ATR: variants seen among roughly 807,000 people sequenced by gnomAD.
ATR encodes the protein serine/threonine-protein kinase ATR.
In ATR, 142 loss-of-function variants were observed where a neutral mutation model predicts 305.3. That is an observed-to-expected ratio of 0.47 (90% CI 0.41 to 0.53). The LOEUF is 0.53. ATR is among the 20% of genes least tolerant of loss of function. The pLI, the probability that ATR is intolerant of heterozygous loss-of-function variation, is 0.00. For missense variants in ATR, 2,135 were observed against 3,133.1 expected (o/e 0.68, Z 7.60); for synonymous variants, 1,050 against 1,068.1 (o/e 0.98, Z 0.33).
At chr3:142,531,963 T>C (rs1020319961) in intron 21 of ATR, among the ~76,000 whole-genome samples, 1 of 152,236 alleles carries the variant, frequency 6.6e-6, no homozygotes, top group Non-Finnish European at 1.5e-5. Context: ...TGGTGTGAGA[T>C]GGTATCTCAT....
Position 142,466,636 on chromosome 3 carries a change from G to C in ATR, c.6688-103C>G, listed in dbSNP as rs1474436757. On this transcript the variant is annotated intron_variant, in intron 39 of 46. Transcript: ENST00000350721. ...TTTGATTACAAAGGTTCAGCAGTCT[G>C]TGGTTTTCTAAGTATTTCCTAATCA... 6.2e-6 allele frequency: 7 copies of C among 1,123,616 alleles called. No individual in the cohort carries two copies. In the East Asian group the frequency reaches 1.5e-4, roughly 25 times the overall value. The allele number at this position is 1,123,616 out of a possible 1,614,324, so 69.6% of individuals were successfully genotyped here. A position where few individuals can be genotyped will look rare whatever the true frequency, so the allele number is the denominator to read the frequency against.
At chr3:142,509,730 G>T (rs2032449637) in intron 27 of ATR, among the ~76,000 whole-genome samples, 1 of 151,082 alleles carries the variant, frequency 6.6e-6, no homozygotes, top group African/African-American at 2.4e-5. Flanking sequence ...GCTAATTTTT[G>T]TATTTTTTGT....
At chr3:142,502,367 A>G (rs925548908) in intron 30 of ATR, among the ~76,000 whole-genome samples, 1 of 150,846 alleles carries the variant, frequency 6.6e-6, no homozygotes, top group African/African-American at 2.4e-5. Context: ...CATATACACA[A>G]TGGAATACTA....
At chr3:142,538,730 A>G in intron 18 of ATR, 105 bp from the exon 19 acceptor site, 2 of 1,393,518 alleles carry the variant, frequency 1.4e-6, no homozygotes, top group Non-Finnish European at 1.0e-6. Context: ...CAAACAATAG[A>G]TTAAAAGGCA....
At chr3:142,561,140 T>C in intron 5 of ATR, 103 bp downstream of exon 5, 1 of 1,287,852 alleles carries the variant, frequency 7.8e-7, no homozygotes, top group Middle Eastern at 1.9e-4. Flanking sequence ...TAGAAAGATG[T>C]TCTTTGTGTA....
At chr3:142,470,702 C>A (rs2071241449) in intron 36 of ATR, among the ~76,000 whole-genome samples, 1 of 152,052 alleles carries the variant, frequency 6.6e-6, no homozygotes, top group Non-Finnish European at 1.5e-5. Context: ...AATGATTCTG[C>A]CTGGGATTCA....
In ATR at chr3:142,549,075, A is replaced by G. The variant is rs1472290310; in HGVS notation, c.3171+404T>C. Among the ~76,000 whole-genome samples, 7 of 152,214 alleles carry G rather than the reference A, an allele frequency of 4.6e-5. No homozygotes were observed. In the East Asian group the frequency reaches 1.3e-3, roughly 29 times the overall value. ...ATAATTTTAAATGTAAAAACTACCA[A>G]AAACCTGGACCAAATTGTAATCAGA... On this transcript the variant is annotated intron_variant, in intron 15 of 46. Transcript: ENST00000350721.
Position 142,497,265 on chromosome 3 carries a change from C to T in ATR, c.5559-73G>A. On this transcript the variant is annotated intron_variant, in intron 32 of 46. Coordinates refer to ENST00000350721, the MANE Select transcript of ATR (RefSeq NM_001184.4). Reference sequence around the variant, plus strand: ...ATTAATCTCATATATAAAGCAAGTACTTTAAATCAGAAATAAAGAATTTAA... The same window carrying T: ...ATTAATCTCATATATAAAGCAAGTATTTTAAATCAGAAATAAAGAATTTAA... 3 of 1,461,024 alleles carry T rather than the reference C, an allele frequency of 2.1e-6. 1 individual carries two copies. In the South Asian group the frequency reaches 3.6e-5, roughly 17 times the overall value. 90.5% of individuals were successfully genotyped at this position (1,461,024 alleles called of 1,614,324 possible).
intron 42 of ATR, among the ~76,000 whole-genome samples, chr3:142,461,206 C>T (rs1461495283): frequency 6.6e-6 from 1 of 152,066 alleles, no homozygotes; most frequent in African/African-American, 2.4e-5. Flanking sequence ...CAAGATTCTT[C>T]AAATAACCTG....
intron 42 of ATR, 103 bp from the exon 43 acceptor site, chr3:142,459,486 T>C: frequency 7.6e-7 from 1 of 1,312,034 alleles, no homozygotes; most frequent in Non-Finnish European, 1.1e-6. Flanking sequence ...TTTATTCAAA[T>C]TGTTATTGAA....
intron 24 of ATR, 138 bp from the exon 25 acceptor site, chr3:142,515,653 C>T: frequency 1.0e-6 from 1 of 967,544 alleles, no homozygotes; most frequent in Non-Finnish European, 1.5e-6. Flanking sequence ...TTCCAGTATC[C>T]TTCTTAGGGG....
intron 35 of ATR, among the ~76,000 whole-genome samples, 167 bp from the exon 36 acceptor site, chr3:142,485,449 G>T (rs965073364): frequency 2.0e-5 from 3 of 152,204 alleles, no homozygotes; most frequent in Non-Finnish European, 4.4e-5. Context: ...CTAACTTCTT[G>T]TAAAGGTTTT....
At position 142,542,772 on chromosome 3, in the gene ATR, C is replaced by T; in HGVS notation, c.3358-15G>A. On this transcript the variant is annotated splice_polypyrimidine_tract_variant and intron_variant, in intron 16 of 46. Transcript: ENST00000350721. ...AAATAATCAGCCTAAGAAATAAAAACAGATAATATGTAAGCTTTATACAGA... is the reference window on the plus strand; with the variant it reads ...AAATAATCAGCCTAAGAAATAAAAATAGATAATATGTAAGCTTTATACAGA... 1 of 1,572,754 alleles carries T rather than the reference C, an allele frequency of 6.4e-7. No individual in the cohort carries two copies. Among genetic ancestry groups the T allele is most frequent in the African/African-American group, 1.4e-5 (1 of 74,064 alleles).
chr3:142,477,674 T>C (rs892406391), intron 36 of ATR, among the ~76,000 whole-genome samples: 3 of 152,144 alleles, frequency 2.0e-5, no homozygotes, highest in African/African-American at 7.2e-5. Flanking sequence ...ATGGTACCAG[T>C]TCCTCCTTGT....
At chr3:142,578,498 C>G (rs1319178803) in intron 1 of ATR, 148 bp downstream of exon 1, 1 of 950,290 alleles carries the variant, frequency 1.1e-6, no homozygotes, top group Non-Finnish European at 1.5e-6. Flanking sequence ...GGAGAAGCGC[C>G]CAAATCAGCC....
At chr3:142,471,468 A>T (rs2071264248) in intron 36 of ATR, among the ~76,000 whole-genome samples, 1 of 152,296 alleles carries the variant, frequency 6.6e-6, no homozygotes, top group South Asian at 2.1e-4. Flanking sequence ...ATAGAATTGC[A>T]TTTACCATTC....
intron 36 of ATR, among the ~76,000 whole-genome samples, chr3:142,476,818 T>A (rs1440506912): frequency 1.3e-5 from 2 of 152,220 alleles, no homozygotes. Flanking sequence ...ACATCCCTTG[T>A]AAGTTGGATT....
intron 16 of ATR, 101 bp from the exon 17 acceptor site, chr3:142,542,858 T>A: frequency 1.1e-6 from 1 of 932,726 alleles, no homozygotes; most frequent in Non-Finnish European, 1.7e-6. Flanking sequence ...TTTACCTAAC[T>A]AGATTAGCAT....
chr3:142,542,772 C>A lies in ATR; in HGVS notation c.3358-15G>T, dbSNP rs780005925. On this transcript the variant is annotated splice_polypyrimidine_tract_variant and intron_variant, in intron 16 of 46. Transcript: ENST00000350721. ...AAATAATCAGCCTAAGAAATAAAAA[C>A]AGATAATATGTAAGCTTTATACAGA... 2 of 1,572,754 alleles carry A rather than the reference C, an allele frequency of 1.3e-6. No homozygotes were observed. Among genetic ancestry groups the A allele is most frequent in the South Asian group, 2.2e-5 (2 of 89,728 alleles).
Sources: gnomAD v4.1 joint callset for allele counts (sites outside exome capture counted in the v4.1 genomes callset) on GRCh38, gnomAD v4.1.1 for gene constraint, MANE v1.5 for transcripts, NCBI Gene and HGNC (gene_info 2026-07-23, HGNC 2026-07-21) for gene names.